INPP5D: variants seen among roughly 807,000 people sequenced by gnomAD.
INPP5D encodes phosphatidylinositol 3,4,5-trisphosphate 5-phosphatase 1.
In INPP5D, 33 loss-of-function variants were observed where a neutral mutation model predicts 122.9. That is an observed-to-expected ratio of 0.27 (90% CI 0.20 to 0.36). The LOEUF is 0.36. Among genes scored for constraint, INPP5D ranks in the 10% least tolerant of loss-of-function variants. The pLI is 1.00. For missense variants in INPP5D, 1,053 were observed against 1,412.7 expected (o/e 0.75, Z 4.08); for synonymous variants, 584 against 576.2 (o/e 1.01, Z -0.19).
intron 2 of INPP5D, among the ~76,000 whole-genome samples, chr2:233,108,691 A>G (rs1692528897): frequency 6.6e-6 from 1 of 152,078 alleles, no homozygotes; most frequent in Non-Finnish European, 1.5e-5. Context: ...GCCCCCTTGA[A>G]AGTTCCCACA....
chr2:233,131,174 C>G, intron 5 of INPP5D: 1 of 965,676 alleles, frequency 1.0e-6, no homozygotes. Context: ...GGTAAAGGTT[C>G]TGATTTCTTT....
In INPP5D at chr2:233,200,078, G is replaced by A. The variant is rs142783514; in HGVS notation, c.2975+1702G>A. On this transcript the variant is annotated intron_variant, in intron 25 of 26. Transcript: ENST00000445964. The stretch of plus-strand genomic sequence containing the variant: ...CAGGGCAGCCAGCCTGCAGAGAGAG[G>A]AGGCCCGGCCCTGAAACTCTGGGGA... Among the ~76,000 whole-genome samples the A allele has an allele frequency of 2.4e-4, 37 of 152,344 alleles. No homozygotes were observed. The East Asian group carries it at 3.1e-3, about 13-fold the overall frequency.
chr2:233,101,971 A>G (rs1316853416), intron 2 of INPP5D, among the ~76,000 whole-genome samples: 1 of 151,930 alleles, frequency 6.6e-6, no homozygotes, highest in Non-Finnish European at 1.5e-5. Flanking sequence ...CCATTAGCAC[A>G]GTTAGCAGAG....
intron 9 of INPP5D, among the ~76,000 whole-genome samples, chr2:233,149,126 CAA>C (rs1426548555): frequency 1.7e-3 from 166 of 99,926 alleles, no homozygotes; most frequent in African/African-American, 6.5e-3. Context: ...TTTTTTGAGA[CAA>C]AGTCTCGCTC....
chr2:233,191,470 T>C (rs1301471772), intron 22 of INPP5D, among the ~76,000 whole-genome samples: 1 of 152,188 alleles, frequency 6.6e-6, no homozygotes, highest in Non-Finnish European at 1.5e-5. Flanking sequence ...ATGCTTCTAC[T>C]TCTTGCACTG....
At chr2:233,155,515 G>A (rs1026162118) in intron 9 of INPP5D, among the ~76,000 whole-genome samples, 2 of 151,982 alleles carry the variant, frequency 1.3e-5, no homozygotes, top group African/African-American at 2.4e-5. Flanking sequence ...CCAGCTACTC[G>A]GGAGGCTGAG....
At chr2:233,066,085 G>A (rs1658792826) in intron 1 of INPP5D, among the ~76,000 whole-genome samples, 1 of 152,080 alleles carries the variant, frequency 6.6e-6, no homozygotes, top group African/African-American at 2.4e-5. Flanking sequence ...AGTTTCCCGA[G>A]TAGCTGGTAT....
chr2:233,187,435 G>C (rs927676742), intron 21 of INPP5D, among the ~76,000 whole-genome samples: 1 of 152,146 alleles, frequency 6.6e-6, no homozygotes, highest in Admixed American at 6.5e-5. Flanking sequence ...GGTGACACTC[G>C]AGGTGAATTT....
At chr2:233,204,947 G>A (rs970030593) in intron 26 of INPP5D, 2 of 622,192 alleles carry the variant, frequency 3.2e-6, no homozygotes, top group East Asian at 6.8e-5. Flanking sequence ...ACACATCCCT[G>A]ACCCTGCATT....
At chr2:233,191,949 G>A (rs1055957543) in intron 22 of INPP5D, among the ~76,000 whole-genome samples, 4 of 152,296 alleles carry the variant, frequency 2.6e-5, no homozygotes, top group South Asian at 2.1e-4. Flanking sequence ...GGGCACTGTC[G>A]CTCCCCTCCT....
At chr2:233,110,079 TCTCA>T (rs1692578204) in intron 2 of INPP5D, among the ~76,000 whole-genome samples, 1 of 145,642 alleles carries the variant, frequency 6.9e-6, no homozygotes, top group South Asian at 2.2e-4. Flanking sequence ...TGAGATAGAG[TCTCA>T]CTCTGTCACC....
At chr2:233,126,773 AGCTGGGCATGGTG>A (rs1375417405) in intron 4 of INPP5D, among the ~76,000 whole-genome samples, 1 of 152,140 alleles carries the variant, frequency 6.6e-6, no homozygotes, top group Non-Finnish European at 1.5e-5. Flanking sequence ...TACAAAAATT[AGCTGGGCATGGTG>A]GCGGGCGCCT....
intron 2 of INPP5D, among the ~76,000 whole-genome samples, chr2:233,118,967 G>T (rs916736483): frequency 6.6e-6 from 1 of 151,954 alleles, no homozygotes. Flanking sequence ...GGCCTCACCG[G>T]GTCCACAGGG....
chr2:233,067,776 T>G (rs372230059), intron 1 of INPP5D, among the ~76,000 whole-genome samples: 1 of 152,244 alleles, frequency 6.6e-6, no homozygotes, highest in East Asian at 1.9e-4. Context: ...ATTTCTCTAA[T>G]GGCTAATGAT....
chr2:233,110,320 G>A (rs1393684234), intron 2 of INPP5D, among the ~76,000 whole-genome samples: 1 of 152,024 alleles, frequency 6.6e-6, no homozygotes, highest in Non-Finnish European at 1.5e-5. Context: ...CTCCCAAAGT[G>A]CTGGGATTAC....
In INPP5D at chr2:233,125,766, C is replaced by G; in HGVS notation, c.371C>G (p.Pro124Arg). Residue 124 changes from proline (P) to arginine (R), a missense_variant, in exon 4 of 27, where the codon CCC becomes CGC. Physicochemically the swap from Pro to Arg is moderately radical, Grantham distance 103 (BLOSUM62 -2). Coordinates refer to ENST00000445964, the MANE Select transcript of INPP5D (RefSeq NM_001017915.3). Reference protein sequence around the residue: ...EDTVESVVSPPELPPRNIPLT... With the variant: ...EDTVESVVSPRELPPRNIPLT... ...CCAGTAGAAAGTGTCGTGTCTCCAC[C>G]CGAGCTGCCCCCAAGAAACATCCCG... 6.2e-7 allele frequency: 1 copy of G among 1,613,530 alleles called. No homozygotes were observed. Among genetic ancestry groups the G allele is most frequent in the African/African-American group, 1.3e-5 (1 of 75,026 alleles).
chr2:233,063,306 C>G (rs1691125278), intron 1 of INPP5D, among the ~76,000 whole-genome samples: 1 of 152,228 alleles, frequency 6.6e-6, no homozygotes, highest in Middle Eastern at 3.2e-3. Flanking sequence ...CCTCAGATCA[C>G]CCAGGTGCCC....
chr2:233,145,182 A>G (rs1693725938), intron 6 of INPP5D: 3 of 455,580 alleles, frequency 6.6e-6, no homozygotes, highest in African/African-American at 2.0e-5. Flanking sequence ...GATGCTTTGT[A>G]AATGTTTCTT....
At chr2:233,190,278 C>A (rs185735425) in intron 22 of INPP5D, among the ~76,000 whole-genome samples, 20 of 152,294 alleles carry the variant, frequency 1.3e-4, no homozygotes, top group Admixed American at 1.2e-3. Flanking sequence ...AAGTGACTTG[C>A]CCGAGTCATA....
Sources: gnomAD v4.1 joint callset for allele counts (sites outside exome capture counted in the v4.1 genomes callset) on GRCh38, gnomAD v4.1.1 for gene constraint, MANE v1.5 for transcripts, NCBI Gene and HGNC (gene_info 2026-07-23, HGNC 2026-07-21) for gene names.